Variants in WRNIP1 observed in about 807,000 individuals in gnomAD.
WRNIP1 encodes WRN helicase interacting protein 1, also known as ATPase WRNIP1.
A neutral mutation model predicts 56.1 loss-of-function variants in WRNIP1; 41 were observed. The ratio of observed to expected loss-of-function variants is 0.73; its 90% CI spans 0.57 to 0.95. WRNIP1 has a LOEUF of 0.95. Among genes scored for constraint, WRNIP1 ranks in the 40% least tolerant of loss-of-function variants. WRNIP1 has a pLI of 0.00. For synonymous variants in WRNIP1, 547 were observed against 398.1 expected, an observed-to-expected ratio of 1.37 and a Z score of -4.45; for missense variants, 1,170 against 939.4, an observed-to-expected ratio of 1.25 and a Z score of -3.21.
At position 2,768,769 on chromosome 6, in the gene WRNIP1, A is replaced by G. The variant is rs1561908596; in HGVS notation, c.901A>G (p.Lys301Glu). Residue 301 changes from lysine to glutamate, a missense_variant, in exon 2 of 7, where the codon AAG becomes GAG. Transcript: ENST00000380773. ...RFVTLSATNA[K>E]TNDVRDVIKQ... is the part of the protein sequence containing the mutation. ...TGTGACATTATCTGCAACAAATGCCAAGACAAATGATGTGCGAGATGTCAT... is the reference window on the plus strand; with the variant it reads ...TGTGACATTATCTGCAACAAATGCCGAGACAAATGATGTGCGAGATGTCAT... The G allele has an allele frequency of 6.2e-7, 1 of 1,614,056 alleles. No individual in the cohort carries two copies. Among genetic ancestry groups the G allele is most frequent in the East Asian group, 2.2e-5 (1 of 44,884 alleles).
intron 4 of WRNIP1, 93 bp downstream of exon 4, chr6:2,779,585 C>A: frequency 7.5e-7 from 1 of 1,340,038 alleles, no homozygotes; most frequent in South Asian, 1.4e-5. Flanking sequence ...GTTCCGGAAG[C>A]ATTCCAGCTG....
At position 2,785,512 on chromosome 6, in the gene WRNIP1, G is replaced by A; in HGVS notation, c.*230G>A. Reference sequence around the variant, plus strand: ...GCGGTTATGCTTATGAAAATACCTGGCAGCTTTGTGCAATGAATTAATGTT... The same window carrying A: ...GCGGTTATGCTTATGAAAATACCTGACAGCTTTGTGCAATGAATTAATGTT... On this transcript the variant is annotated 3_prime_UTR_variant, in exon 7 of 7. Coordinates refer to ENST00000380773, the MANE Select transcript of WRNIP1 (RefSeq NM_020135.3). 1 of 534,836 alleles carries A rather than the reference G, an allele frequency of 1.9e-6. No individual in the cohort carries two copies. The allele number at this position is 534,836 out of a possible 1,614,324, so 33.1% of individuals were successfully genotyped here. A position where few individuals can be genotyped will look rare whatever the true frequency, so the allele number is the denominator to read the frequency against.
chr6:2,783,413 G>A lies in WRNIP1; in HGVS notation c.1494G>A (p.Glu498=), dbSNP rs1765618244. Residue 498 remains glutamate, a synonymous_variant, in exon 5 of 7, where the codon GAG becomes GAA. Transcript: ENST00000380773. The part of the protein sequence containing the change: ...SHILYDRAGE[E]HYNCISALHK... The stretch of plus-strand genomic sequence containing the variant: ...TGCTCTTTGTGATGTCAGGTGAGGA[G>A]CATTACAACTGCATCTCCGCCCTGC... 1 of 1,600,226 alleles carries A rather than the reference G, an allele frequency of 6.2e-7. No individual in the cohort carries two copies.
chr6:2,767,481 C>T (rs1003329247), intron 1 of WRNIP1, among the ~76,000 whole-genome samples: 2 of 152,224 alleles, frequency 1.3e-5, no homozygotes, highest in Non-Finnish European at 2.9e-5. Flanking sequence ...ACTCCAGTTC[C>T]TGGAATGAAT....
At chr6:2,770,880 C>T (rs183918410) in intron 3 of WRNIP1, among the ~76,000 whole-genome samples, 279 of 151,934 alleles carry the variant, frequency 1.8e-3, no homozygotes, top group African/African-American at 6.4e-3. Flanking sequence ...GTAGTTGAAA[C>T]TCAGTTTCAT....
chr6:2,785,138 G>A lies in WRNIP1; in HGVS notation c.1854G>A (p.Leu618=). 4 of 1,614,200 alleles carry A rather than the reference G, an allele frequency of 2.5e-6. No homozygotes were observed. The highest frequency in any genetic ancestry group is 3.4e-6 in the Non-Finnish European group (4 of 1,180,034). The change falls in exon 7 of 7, where the codon CTG becomes CTA. Residue 618 remains leucine, a synonymous_variant. Coordinates refer to ENST00000380773, the MANE Select transcript of WRNIP1 (RefSeq NM_020135.3). The part of the protein sequence containing the change: ...QGPLPPVPLH[L]RNAPTRLMKD... ...CACTGCCCCCCGTGCCCCTGCACCT[G>A]AGGAACGCGCCCACTAGGCTGATGA...
At chr6:2,780,198 A>C (rs558635954) in intron 4 of WRNIP1, among the ~76,000 whole-genome samples, 57 of 152,306 alleles carry the variant, frequency 3.7e-4, no homozygotes, top group African/African-American at 1.3e-3. Flanking sequence ...CATTTGTGGG[A>C]CTTTGGATGG....
rs1270966006 is a variant in WRNIP1, at chr6:2,765,775, G to A, written c.153G>A (p.Ala51=). 1.4e-5 allele frequency: 20 copies of A among 1,456,036 alleles called. No homozygotes were observed. Among genetic ancestry groups the A allele is most frequent in the Admixed American group, 7.0e-5 (3 of 42,768 alleles). 90.2% of individuals were successfully genotyped at this position (1,456,036 alleles called of 1,614,324 possible). A position where few individuals can be genotyped will look rare whatever the true frequency, so the allele number is the denominator to read the frequency against. The change falls in exon 1 of 7, where the codon GCG becomes GCA. Residue 51 remains alanine (A), a synonymous_variant. Transcript: ENST00000380773. The part of the protein sequence containing the change: ...LLHPAGHAEP[A]AGSHRAGERA... ...ACCCGGCGGGGCACGCGGAGCCCGC[G>A]GCCGGGTCGCACCGCGCCGGGGAGC...
rs1208978154 is a variant in WRNIP1, at chr6:2,766,365, A to C, written c.743A>C (p.Gln248Pro). The change falls in exon 1 of 7, where the codon CAG becomes CCG. Residue 248 changes from glutamine to proline, a missense_variant. Coordinates refer to ENST00000380773, the MANE Select transcript of WRNIP1 (RefSeq NM_020135.3). ...DYFGQSKAVG[Q>P]DTLLRSLLET... ...TTCGGGCAGAGCAAGGCCGTGGGCCAGGATACCCTGCTGCGCTCGCTCCTG... is the reference window on the plus strand; with the variant it reads ...TTCGGGCAGAGCAAGGCCGTGGGCCCGGATACCCTGCTGCGCTCGCTCCTG... 1.2e-6 allele frequency: 2 copies of C among 1,610,040 alleles called. No individual in the cohort carries two copies. The highest frequency in any genetic ancestry group is 1.7e-6 in the Non-Finnish European group (2 of 1,178,674).
At chr6:2,779,216 A>C in intron 3 of WRNIP1, 47 bp from the exon 4 acceptor site, 1 of 1,584,076 alleles carries the variant, frequency 6.3e-7, no homozygotes, top group South Asian at 1.1e-5. Context: ...CAGAACAAGA[A>C]GTATGCAGCC....
Position 2,768,720 on chromosome 6 carries a change from C to G in WRNIP1, c.852C>G (p.Asn284Lys), listed in dbSNP as rs1385426786. 1 of 1,612,018 alleles carries G rather than the reference C, an allele frequency of 6.2e-7. No homozygotes were observed. The highest frequency in any genetic ancestry group is 8.5e-7 in the Non-Finnish European group (1 of 1,178,924). ...CTCTGGCTCACATCATAGCCAGCAA[C>G]AGCAAGAAACATAGCATAAGGTTTG... is the stretch of plus-strand genomic sequence containing the variant. Reference protein sequence around the residue: ...KTTLAHIIASNSKKHSIRFVT... With the variant: ...KTTLAHIIASKSKKHSIRFVT... The change falls in exon 2 of 7, where the codon AAC (asparagine) becomes AAG (lysine). Residue 284 changes from asparagine (N) to lysine (K), a missense_variant. By Grantham distance (94) the Asn-to-Lys change is moderately conservative (BLOSUM62 0). Transcript: ENST00000380773.
chr6:2,783,662 G>A, intron 5 of WRNIP1, 101 bp downstream of exon 5: 1 of 637,946 alleles, frequency 1.6e-6, no homozygotes, highest in Non-Finnish European at 2.4e-6. Context: ...TTGCAGGGCG[G>A]GGTGGGCGGG....
chr6:2,771,802 G>C (rs571715002), intron 3 of WRNIP1, among the ~76,000 whole-genome samples: 2 of 152,108 alleles, frequency 1.3e-5, no homozygotes, highest in Non-Finnish European at 2.9e-5. Flanking sequence ...CATTACAGAC[G>C]CATAGAACCA....
At chr6:2,769,240 T>C (rs1054056697) in intron 2 of WRNIP1, among the ~76,000 whole-genome samples, 3 of 152,216 alleles carry the variant, frequency 2.0e-5, no homozygotes. Context: ...TTTTAAAAAT[T>C]ACTTTAACAG....
intron 2 of WRNIP1, among the ~76,000 whole-genome samples, 200 bp downstream of exon 2, chr6:2,769,082 TAAATG>T (rs1429492998): frequency 1.3e-5 from 2 of 152,216 alleles, no homozygotes. Context: ...CTCTATCTGA[TAAATG>T]AAATGGTTGG....
At position 2,766,431 on chromosome 6, in the gene WRNIP1, C is replaced by A. The variant is rs772989548; in HGVS notation, c.809C>A (p.Pro270Gln). Residue 270 changes from proline (P) to glutamine (Q), a missense_variant, in exon 1 of 7, where the codon CCG (proline) becomes CAG (glutamine). By Grantham distance (76) the Pro-to-Gln change is moderately conservative (BLOSUM62 -1). Coordinates refer to ENST00000380773, the MANE Select transcript of WRNIP1 (RefSeq NM_020135.3). The stretch of plus-strand genomic sequence containing the variant: ...CCCTCGCTTATCCTGTGGGGGCCGC[C>A]GGGCTGCGGCAAGGTGAGTGCGGCC... ...EIPSLILWGPPGCGKTTLAHI... is the reference protein window; with the variant it reads ...EIPSLILWGPQGCGKTTLAHI... The A allele has an allele frequency of 1.3e-5, 20 of 1,564,266 alleles. No individual in the cohort carries two copies. Among genetic ancestry groups the A allele is most frequent in the Non-Finnish European group, 1.7e-5 (20 of 1,149,592 alleles).
At chr6:2,769,022 C>T (rs1765164423) in intron 2 of WRNIP1, 140 bp downstream of exon 2, 1 of 749,492 alleles carries the variant, frequency 1.3e-6, no homozygotes, top group Admixed American at 3.5e-5. Flanking sequence ...TCCTTCAAGC[C>T]TATTTCTCCA....
Position 2,766,234 on chromosome 6 carries a change from CG to C in WRNIP1, c.617del (p.Gly206AlafsTer76), listed in dbSNP as rs148900120. Reference protein sequence around the residue: ...EAATAFGASGGGRPHPRALAA... With the variant: ...EAATAFGASGXGRPHPRALAA... Reference sequence around the variant, plus strand: ...CCGCCACCGCCTTCGGGGCCAGTGGCGGGGGCCGCCCGCACCCCCGGGCGCT... The same window carrying C: ...CCGCCACCGCCTTCGGGGCCAGTGGCGGGGCCGCCCGCACCCCCGGGCGCT... On this transcript the variant is annotated frameshift_variant, in exon 1 of 7. Transcript: ENST00000380773. LOFTEE classifies it high-confidence loss of function. 4 of 1,466,552 alleles carry C rather than the reference CG, an allele frequency of 2.7e-6. No individual in the cohort carries two copies. The highest frequency in any genetic ancestry group is 1.4e-5 in the South Asian group (1 of 69,418). 90.8% of individuals were successfully genotyped at this position (1,466,552 alleles called of 1,614,324 possible). A position where few individuals can be genotyped will look rare whatever the true frequency, so the allele number is the denominator to read the frequency against.
At chr6:2,771,068 A>G (rs1765263199) in intron 3 of WRNIP1, among the ~76,000 whole-genome samples, 1 of 152,136 alleles carries the variant, frequency 6.6e-6, no homozygotes, top group Non-Finnish European at 1.5e-5. Context: ...CATATTCTTC[A>G]GATGGTATTT....
Sources: allele counts gnomAD v4.1 joint callset (sites outside exome capture counted in the v4.1 genomes callset), GRCh38; gene constraint gnomAD v4.1.1; transcripts MANE v1.5; gene names NCBI Gene and HGNC (gene_info 2026-07-23, HGNC 2026-07-21).